The following HS6ST3 variants were observed in gnomAD, a reference collection of about 807,000 sequenced individuals.
The protein encoded by HS6ST3 is heparan sulfate 6-O-sulfotransferase 3.
In HS6ST3, 12 loss-of-function variants were observed where a neutral mutation model predicts 36.7. The observed-to-expected ratio is 0.33, with a 90% CI of 0.21 to 0.53. The LOEUF (loss-of-function observed/expected upper bound fraction) is 0.53. Among genes scored for constraint, HS6ST3 ranks in the 20% least tolerant of loss-of-function variants. HS6ST3 has a pLI of 0.95. For missense variants in HS6ST3, 584 were observed against 640.9 expected, an observed-to-expected ratio of 0.91 and a Z score of 0.96; for synonymous variants, 240 against 257.5, an observed-to-expected ratio of 0.93 and a Z score of 0.65.
intron 1 of HS6ST3, among the ~76,000 whole-genome samples, chr13:96,766,101 A>G: frequency 6.6e-6 from 1 of 152,226 alleles, no homozygotes; most frequent in East Asian, 1.9e-4. Context: ...CATAAGAAAA[A>G]TAGCTGTTAA....
chr13:96,250,305 G>A (rs2054602186), intron 1 of HS6ST3, among the ~76,000 whole-genome samples: 1 of 152,154 alleles, frequency 6.6e-6, no homozygotes, highest in Admixed American at 6.5e-5. Context: ...GGATATGTTT[G>A]TTTTCTAACT....
intron 1 of HS6ST3, among the ~76,000 whole-genome samples, chr13:96,353,297 T>C (rs1434043927): frequency 6.6e-6 from 1 of 152,018 alleles, no homozygotes; most frequent in African/African-American, 2.4e-5. Context: ...AAGATAGTTC[T>C]TCATTACTGA....
At position 96,389,624 on chromosome 13, in the gene HS6ST3, C is replaced by G. The variant is rs150109273; in HGVS notation, c.707+298055C>G. Among the ~76,000 whole-genome samples, 119 of 152,236 alleles carry G rather than the reference C, an allele frequency of 7.8e-4. 3 individuals are homozygous for G. Among genetic ancestry groups the G allele is most frequent in the African/African-American group, 2.8e-3 (117 of 41,544 alleles). ...TCCGTCTCCCTAAATCTCATCTCCT[C>G]TACCAAAAGGCACTATGTATGAAAA... is the stretch of plus-strand genomic sequence containing the variant. On this transcript the variant is annotated intron_variant, in intron 1 of 1. Coordinates refer to ENST00000376705, the MANE Select transcript of HS6ST3 (RefSeq NM_153456.4).
intron 1 of HS6ST3, among the ~76,000 whole-genome samples, chr13:96,159,057 GT>G (rs1258502784): frequency 6.6e-6 from 1 of 152,226 alleles, no homozygotes; most frequent in Non-Finnish European, 1.5e-5. Flanking sequence ...CCCTGAATAT[GT>G]TTGTGTGCTG....
chr13:96,162,448 G>A (rs957607138), intron 1 of HS6ST3, among the ~76,000 whole-genome samples: 25 of 152,170 alleles, frequency 1.6e-4, no homozygotes, highest in African/African-American at 4.8e-4. Flanking sequence ...TGGGCAAAGC[G>A]TTTATTTGTT....
intron 1 of HS6ST3, among the ~76,000 whole-genome samples, chr13:96,310,032 A>C (rs1207663133): frequency 6.6e-6 from 1 of 152,166 alleles, no homozygotes; most frequent in Non-Finnish European, 1.5e-5. Context: ...GTCTACAATG[A>C]TTATTCCTAG....
chr13:96,749,428 G>T (rs550004128), intron 1 of HS6ST3, among the ~76,000 whole-genome samples: 2 of 152,174 alleles, frequency 1.3e-5, no homozygotes, highest in East Asian at 3.9e-4. Context: ...TAAACATGTA[G>T]ATTAATTTTG....
At chr13:96,185,119 A>C (rs1013504746) in intron 1 of HS6ST3, among the ~76,000 whole-genome samples, 1 of 152,218 alleles carries the variant, frequency 6.6e-6, no homozygotes, top group African/African-American at 2.4e-5. Flanking sequence ...ATATGATCTT[A>C]GTAACTCATA....
At chr13:96,576,196 C>T (rs1281264197) in intron 1 of HS6ST3, among the ~76,000 whole-genome samples, 1 of 152,092 alleles carries the variant, frequency 6.6e-6, no homozygotes, top group Admixed American at 6.5e-5. Flanking sequence ...TTGGCACTGT[C>T]CTGTGCTGCT....
At chr13:96,651,317 C>T (rs1439312104) in intron 1 of HS6ST3, among the ~76,000 whole-genome samples, 1 of 152,046 alleles carries the variant, frequency 6.6e-6, no homozygotes, top group Non-Finnish European at 1.5e-5. Flanking sequence ...CCACTTCTGA[C>T]TACAGAAACT....
chr13:96,819,820 G>T (rs1425100455), intron 1 of HS6ST3, among the ~76,000 whole-genome samples: 1 of 152,170 alleles, frequency 6.6e-6, no homozygotes, highest in African/African-American at 2.4e-5. Flanking sequence ...TTGGGAGGCT[G>T]AGGTCGGTGG....
At chr13:96,741,991 T>A (rs1876451399) in intron 1 of HS6ST3, among the ~76,000 whole-genome samples, 1 of 152,082 alleles carries the variant, frequency 6.6e-6, no homozygotes, top group South Asian at 2.1e-4. Context: ...TAACAAAACA[T>A]CCCCTGTCTC....
intron 1 of HS6ST3, among the ~76,000 whole-genome samples, chr13:96,647,712 T>C (rs976280433): frequency 4.6e-5 from 7 of 152,028 alleles, no homozygotes; most frequent in Middle Eastern, 3.2e-3. Context: ...TTTATAGATA[T>C]GATGAAGAAG....
chr13:96,539,839 C>T (rs1271188186), intron 1 of HS6ST3, among the ~76,000 whole-genome samples: 1 of 152,180 alleles, frequency 6.6e-6, no homozygotes, highest in Non-Finnish European at 1.5e-5. Flanking sequence ...TGGACACATC[C>T]GCTTGTTCTA....
intron 1 of HS6ST3, among the ~76,000 whole-genome samples, chr13:96,345,078 A>G (rs2055147124): frequency 6.6e-6 from 1 of 152,238 alleles, no homozygotes; most frequent in African/African-American, 2.4e-5. Context: ...GCACTGATTA[A>G]GGCAGCATTT....
intron 1 of HS6ST3, among the ~76,000 whole-genome samples, chr13:96,462,989 G>GA (rs2055792632): frequency 6.6e-6 from 1 of 152,200 alleles, no homozygotes; most frequent in South Asian, 2.1e-4. Context: ...AATTTGATTT[G>GA]AAAAAATTAA....
chr13:96,534,640 G>A (rs922861991), intron 1 of HS6ST3, among the ~76,000 whole-genome samples: 1 of 152,136 alleles, frequency 6.6e-6, no homozygotes, highest in Non-Finnish European at 1.5e-5. Flanking sequence ...AGAAGACAAG[G>A]AAAAAGCCAC....
intron 1 of HS6ST3, among the ~76,000 whole-genome samples, chr13:96,640,742 T>C (rs1220785571): frequency 2.6e-5 from 4 of 151,920 alleles, no homozygotes; most frequent in African/African-American, 4.8e-5. Flanking sequence ...TATATGATTA[T>C]AGGTAGGGGT....
At chr13:96,428,054 G>A (rs1167215418) in intron 1 of HS6ST3, among the ~76,000 whole-genome samples, 2 of 152,142 alleles carry the variant, frequency 1.3e-5, no homozygotes, top group Non-Finnish European at 2.9e-5. Context: ...TTAGGGATAT[G>A]AGACACATTT....
Sources: gnomAD v4.1 joint callset for allele counts (sites outside exome capture counted in the v4.1 genomes callset) on GRCh38, gnomAD v4.1.1 for gene constraint, MANE v1.5 for transcripts, NCBI Gene and HGNC (gene_info 2026-07-23, HGNC 2026-07-21) for gene names.